The following PDE11A variants were observed in gnomAD, a reference collection of about 807,000 sequenced individuals.
PDE11A encodes dual 3',5'-cyclic-AMP and -GMP phosphodiesterase 11A.
PDE11A carries 100 observed loss-of-function variants against 100.5 expected under a neutral mutation model. The ratio of observed to expected loss-of-function variants is 1.00; its 90% CI spans 0.85 to 1.18. The LOEUF is 1.18. Among genes scored for constraint, PDE11A ranks in the 50% most tolerant of loss-of-function variants. The pLI is 0.00. For synonymous variants in PDE11A, 381 were observed against 420.8 expected (o/e 0.91, Z 1.16); for missense variants, 1,141 against 1,152.6 (o/e 0.99, Z 0.15).
chr2:177,899,658 A>ATATATAT, intron 3 of PDE11A: 1 of 191,400 alleles, frequency 5.2e-6, no homozygotes, highest in Non-Finnish European at 1.1e-5. Flanking sequence ...ATATATATGT[A>ATATATAT]ATTTACATTT....
chr2:178,104,410 C>A, exon 2 of PDE11A: 1 of 1,614,022 alleles, frequency 6.2e-7, no homozygotes, highest in Non-Finnish European at 8.5e-7. Context: ...CCTTTTTCCA[C>A]TGTGTGGCAC....
intron 5 of PDE11A, among the ~76,000 whole-genome samples, chr2:177,849,593 C>A (rs1336683144): frequency 1.3e-5 from 2 of 151,886 alleles, no homozygotes; most frequent in Non-Finnish European, 2.9e-5. Context: ...ACAATTGCTT[C>A]AAAGAGAATA....
intron 2 of PDE11A, among the ~76,000 whole-genome samples, chr2:177,956,354 A>T (rs941182950): frequency 7.5e-4 from 114 of 152,266 alleles, no homozygotes; most frequent in South Asian, 2.9e-3. Context: ...TCAAAACCAC[A>T]ATGAGATACC....
chr2:177,886,893 G>C (rs1475395160), intron 4 of PDE11A, among the ~76,000 whole-genome samples: 1 of 152,028 alleles, frequency 6.6e-6, no homozygotes, highest in Admixed American at 6.6e-5. Flanking sequence ...GGGAAAGGAG[G>C]GAAAAGATCT....
intron 2 of PDE11A, among the ~76,000 whole-genome samples, chr2:177,979,095 G>GAAAAAAAAAAAA (rs1559030369): frequency 9.2e-6 from 1 of 108,402 alleles, no homozygotes; most frequent in African/African-American, 3.7e-5. Flanking sequence ...AAAAAAAAAA[G>GAAAAAAAAAAAA]AAAGAAAATG....
intron 2 of PDE11A, among the ~76,000 whole-genome samples, chr2:177,984,252 T>C (rs2085915992): frequency 6.6e-6 from 1 of 152,204 alleles, no homozygotes; most frequent in African/African-American, 2.4e-5. Flanking sequence ...CATAGCAAAC[T>C]GCATGAAATT....
chr2:177,659,267 G>GAAAA (rs71010812), intron 19 of PDE11A, among the ~76,000 whole-genome samples: 16 of 128,190 alleles, frequency 1.2e-4, no homozygotes, highest in African/African-American at 3.1e-4. Context: ...ATCTCAGGGG[G>GAAAA]AAAAAAAAAA....
rs559249037 is a variant in PDE11A, at chr2:177,825,020, T to C, written c.1501-4725A>G. ...ATAATTTGTCCATAAGGGAAGAAGT[T>C]ATTTTCTAAGTAGAACTTAGGGGGA... On this transcript the variant is annotated intron_variant, in intron 6 of 19. Transcript: ENST00000286063. Among the ~76,000 whole-genome samples, 10 of 152,278 alleles carry C rather than the reference T, an allele frequency of 6.6e-5. No homozygotes were observed. The South Asian group carries it at 2.1e-3, about 32-fold the overall frequency.
intron 10 of PDE11A, among the ~76,000 whole-genome samples, chr2:177,751,089 A>T (rs1426184903): frequency 6.6e-6 from 1 of 151,634 alleles, no homozygotes; most frequent in Non-Finnish European, 1.5e-5. Flanking sequence ...TATGCATCCC[A>T]ATTATCCCCT....
intron 2 of PDE11A, among the ~76,000 whole-genome samples, chr2:178,004,662 G>T (rs568535452): frequency 1.3e-4 from 20 of 152,268 alleles, no homozygotes; most frequent in Middle Eastern, 3.4e-3. Flanking sequence ...TTGTCATTTT[G>T]CACTTTTAGA....
rs1341015904 is a variant in PDE11A at position 177,821,667 on chromosome 2, G to T, written c.1501-1372C>A. On this transcript the variant is annotated intron_variant, in intron 6 of 19. Transcript: ENST00000286063. ...TTTAAAAAAAAATTTTGACAATTCT[G>T]ATAGATATGTGGTTATATCTCCTTG... 3.3e-5 allele frequency among the ~76,000 whole-genome samples: 5 copies of T among 151,772 alleles called. No individual in the cohort carries two copies. The East Asian group carries it at 9.6e-4, about 29-fold the overall frequency.
At chr2:177,915,910 C>T (rs1046389551) in intron 2 of PDE11A, among the ~76,000 whole-genome samples, 3 of 152,188 alleles carry the variant, frequency 2.0e-5, no homozygotes, top group Non-Finnish European at 2.9e-5. Context: ...ACATCTGCTT[C>T]GCTTCATGTC....
intron 9 of PDE11A, among the ~76,000 whole-genome samples, chr2:177,769,942 G>A (rs368211673): frequency 1.3e-5 from 2 of 149,210 alleles, no homozygotes; most frequent in African/African-American, 4.9e-5. Context: ...AGTTCCCAAA[G>A]GATGTGAATA....
At chr2:177,728,563 C>T (rs191000966) in intron 10 of PDE11A, among the ~76,000 whole-genome samples, 11 of 152,256 alleles carry the variant, frequency 7.2e-5, no homozygotes, top group Admixed American at 7.2e-4. Context: ...TTAATTGATG[C>T]TATTCAGGAG....
intron 10 of PDE11A, among the ~76,000 whole-genome samples, chr2:177,767,514 T>C (rs1201101957): frequency 2.0e-5 from 3 of 152,044 alleles, no homozygotes; most frequent in African/African-American, 7.2e-5. Context: ...AATATAAACA[T>C]TACATTAGCA....
intron 2 of PDE11A, among the ~76,000 whole-genome samples, chr2:177,983,616 A>AAAAC (rs145924465): frequency 1.9e-4 from 29 of 152,190 alleles, no homozygotes; most frequent in African/African-American, 3.6e-4. Context: ...AATTACTTAA[A>AAAAC]AAACAAACAA....
intron 2 of PDE11A, among the ~76,000 whole-genome samples, chr2:177,963,394 G>C (rs903358341): frequency 2.0e-5 from 3 of 152,124 alleles, no homozygotes; most frequent in African/African-American, 4.8e-5. Flanking sequence ...ACTCCTCCAT[G>C]GAGAATTATG....
chr2:177,651,037 A>G (rs2080300890), intron 19 of PDE11A, among the ~76,000 whole-genome samples: 1 of 152,228 alleles, frequency 6.6e-6, no homozygotes, highest in African/African-American at 2.4e-5. Context: ...ATTCTTAGGT[A>G]AGTTACAGAA....
At chr2:177,957,723 T>TTAAA (rs1218256486) in intron 2 of PDE11A, among the ~76,000 whole-genome samples, 2 of 152,120 alleles carry the variant, frequency 1.3e-5, no homozygotes, top group East Asian at 3.8e-4. Context: ...ATTCTTTCTT[T>TTAAA]TAAATAGTAT....
Sources: gnomAD v4.1 joint callset for allele counts (sites outside exome capture counted in the v4.1 genomes callset) on GRCh38, gnomAD v4.1.1 for gene constraint, MANE v1.5 for transcripts, NCBI Gene and HGNC (gene_info 2026-07-23, HGNC 2026-07-21) for gene names.